The following VWF variants were observed in gnomAD, a reference collection of about 807,000 sequenced individuals.
VWF encodes Factor VIII related antigen.
VWF carries 176 observed loss-of-function variants against 308.6 expected under a neutral mutation model. That is an observed-to-expected ratio of 0.57 (90% CI 0.50 to 0.65). VWF has a LOEUF of 0.65. VWF is among the 30% of genes least tolerant of loss of function. The pLI, the probability that VWF is intolerant of heterozygous loss-of-function variation, is 0.00. For synonymous variants in VWF, 1,385 were observed against 1,443.4 expected (o/e 0.96, Z 0.92); for missense variants, 3,146 against 3,648.2 (o/e 0.86, Z 3.55).
chr12:6,103,499 C>T (rs1306964880), intron 5 of VWF, among the ~76,000 whole-genome samples: 27 of 122,904 alleles, frequency 2.2e-4, no homozygotes, highest in African/African-American at 1.1e-3. Flanking sequence ...TGTGTATACA[C>T]ACACGTATAT....
chr12:6,029,254 A>C, intron 22 of VWF, 88 bp downstream of exon 22: 1 of 1,577,428 alleles, frequency 6.3e-7, no homozygotes, highest in Non-Finnish European at 8.7e-7. Context: ...TGGATTCATA[A>C]AGCAAGTCCT....
intron 46 of VWF, 145 bp from the exon 47 acceptor site, chr12:5,967,747 G>A (rs1377992155): frequency 2.5e-6 from 2 of 792,342 alleles, no homozygotes; most frequent in Non-Finnish European, 2.2e-6. Flanking sequence ...ATGGCCCACT[G>A]CCTTCCCGTC....
Position 5,985,041 on chromosome 12 carries a change from A to G in VWF, c.6976+4T>C, listed in dbSNP as rs1943661720. ...TGGAGACATCCCCCTGGTGGGACAC[A>G]TACCACACTCATACTCGGGGCAGCA... On this transcript the variant is annotated splice_donor_region_variant and intron_variant, in intron 40 of 51. Transcript: ENST00000261405. 3.1e-6 allele frequency: 5 copies of G among 1,614,152 alleles called. No homozygotes were observed. Among genetic ancestry groups the G allele is most frequent in the Non-Finnish European group, 4.2e-6 (5 of 1,179,986 alleles).
chr12:5,976,072 C>G (rs1166862490), intron 43 of VWF, 39 bp downstream of exon 43: 23 of 1,612,692 alleles, frequency 1.4e-5, no homozygotes, highest in Non-Finnish European at 1.8e-5. Flanking sequence ...CTTTCCCGCT[C>G]TGATAGCTGC....
chr12:5,980,973 A>C (rs992876069), intron 42 of VWF, among the ~76,000 whole-genome samples: 3 of 152,136 alleles, frequency 2.0e-5, no homozygotes, highest in Non-Finnish European at 4.4e-5. Context: ...TGGCTCTTTC[A>C]CCTATAAGAC....
chr12:5,961,439 T>G (rs921351776), intron 47 of VWF, among the ~76,000 whole-genome samples: 6 of 152,142 alleles, frequency 3.9e-5, no homozygotes, highest in African/African-American at 1.4e-4. Flanking sequence ...CCATCAGTTC[T>G]ATTCAATATT....
intron 47 of VWF, among the ~76,000 whole-genome samples, chr12:5,964,238 A>ACATACATACATACATG (rs1555189786): frequency 6.5e-5 from 9 of 138,720 alleles, no homozygotes; most frequent in African/African-American, 2.9e-4. Context: ...ATACATACAT[A>ACATACATACATACATG]CATACATACA....
rs1295142745 is a variant in VWF, at chr12:6,123,146, C to G, written c.51G>C (p.Leu17Phe). The G allele has an allele frequency of 6.2e-7, 1 of 1,614,028 alleles. No homozygotes were observed. The highest frequency in any genetic ancestry group is 1.3e-5 in the African/African-American group (1 of 74,914). Residue 17 changes from leucine to phenylalanine, a missense_variant, in exon 2 of 52, where the codon TTG (leucine) becomes TTC (phenylalanine). Coordinates refer to ENST00000261405, the MANE Select transcript of VWF (RefSeq NM_000552.5). ...AGVLLALALI[L>F]PGTLCAEGTR... Reference sequence around the variant, plus strand: ...TGGAGGCCCTTTTGTACCTACCTGGCAAAATGAGGGCCAGAGCAAGCAGCA... The same window carrying G: ...TGGAGGCCCTTTTGTACCTACCTGGGAAAATGAGGGCCAGAGCAAGCAGCA...
At chr12:6,081,332 G>GTT (rs150420125) in intron 6 of VWF, among the ~76,000 whole-genome samples, 1,555 of 150,074 alleles carry the variant, frequency 0.01, 25 homozygotes, top group African/African-American at 0.025. Flanking sequence ...GGCCAGTGGT[G>GTT]TTTTTTGTTT....
chr12:6,004,872 T>C (rs992487730), intron 34 of VWF, among the ~76,000 whole-genome samples: 3 of 152,090 alleles, frequency 2.0e-5, no homozygotes, highest in African/African-American at 7.2e-5. Context: ...GCAAGAAATA[T>C]GCAAAACCCA....
chr12:6,088,389 G>C (rs1944996092), intron 6 of VWF, among the ~76,000 whole-genome samples: 1 of 151,660 alleles, frequency 6.6e-6, no homozygotes. Flanking sequence ...TGAGGCGGGA[G>C]AATGGCGTGA....
intron 5 of VWF, among the ~76,000 whole-genome samples, chr12:6,103,384 A>ACG (rs1479656374): frequency 4.4e-5 from 6 of 135,726 alleles, no homozygotes; most frequent in Non-Finnish European, 9.4e-5. Context: ...GTGTGTATAC[A>ACG]CGTGTGTGTA....
intron 3 of VWF, among the ~76,000 whole-genome samples, chr12:6,118,859 G>C (rs1025893362): frequency 6.6e-6 from 1 of 152,218 alleles, no homozygotes; most frequent in African/African-American, 2.4e-5. Flanking sequence ...CTTCCCAGGG[G>C]CAGGGGTTCA....
At chr12:6,009,824 C>T (rs1277777364) in intron 34 of VWF, among the ~76,000 whole-genome samples, 1 of 152,154 alleles carries the variant, frequency 6.6e-6, no homozygotes, top group African/African-American at 2.4e-5. Flanking sequence ...CTTTCATATG[C>T]CACAACATAG....
chr12:6,106,228 C>T lies in VWF; in HGVS notation c.532+4146G>A, dbSNP rs148614293. ...AATTTTTTTTCTTTTCCTCAAATTC[C>T]TCTGATACAATGGAATATTATTCAT... On this transcript the variant is annotated intron_variant, in intron 5 of 51. Coordinates refer to ENST00000261405, the MANE Select transcript of VWF (RefSeq NM_000552.5). Among the ~76,000 whole-genome samples the T allele has an allele frequency of 6.9e-4, 105 of 152,198 alleles. 2 individuals are homozygous for T. The highest frequency in any genetic ancestry group is 3.4e-3 in the Middle Eastern group (1 of 294).
At chr12:5,949,333 C>A (rs1323315858) in intron 51 of VWF, 130 bp from the exon 52 acceptor site, 2 of 876,934 alleles carry the variant, frequency 2.3e-6, no homozygotes, top group Non-Finnish European at 3.7e-6. Flanking sequence ...CCCAGAAGCA[C>A]CCAGGACAGC....
In VWF at chr12:5,969,290, G is replaced by A. The variant is rs948600047; in HGVS notation, c.7650C>T (p.Pro2550=). The A allele has an allele frequency of 3.1e-6, 5 of 1,614,192 alleles. No homozygotes were observed. Among genetic ancestry groups the A allele is most frequent in the Non-Finnish European group, 4.2e-6 (5 of 1,180,034 alleles). The part of the protein sequence containing the change: ...VFIQQRNVSC[P]QLEVPVCPSG... The stretch of plus-strand genomic sequence containing the variant: ...AGGGGCAGACAGGGACCTCCAGCTG[G>A]GGGCAGGAGACGTTCCTTTGTTGTA... Residue 2550 remains proline, a synonymous_variant, in exon 45 of 52, where the codon CCC becomes CCT. Transcript: ENST00000261405.
rs374690023 is a variant in VWF at position 5,969,369 on chromosome 12, G to A, written c.7571C>T (p.Pro2524Leu). 3.8e-5 allele frequency: 61 copies of A among 1,614,196 alleles called. No homozygotes were observed. Among genetic ancestry groups the A allele is most frequent in the Middle Eastern group, 3.3e-4 (2 of 6,062 alleles). Reference protein sequence around the residue: ...WKSVGSQWASPENPCLINECV... With the variant: ...WKSVGSQWASLENPCLINECV... ...CTCATTGATGAGGCAGGGGTTCTCC[G>A]GGGAGGCCCACTGGGAGCCGACCTG... The change falls in exon 45 of 52, where the codon CCG becomes CTG. Residue 2524 changes from proline (P) to leucine (L), a missense_variant. Coordinates refer to ENST00000261405, the MANE Select transcript of VWF (RefSeq NM_000552.5).
intron 6 of VWF, among the ~76,000 whole-genome samples, chr12:6,080,268 T>C (rs1361562117): frequency 2.0e-5 from 3 of 152,246 alleles, no homozygotes; most frequent in African/African-American, 7.2e-5. Context: ...AAGGATATGC[T>C]GAATCAAACC....
Sources: allele counts gnomAD v4.1 joint callset (sites outside exome capture counted in the v4.1 genomes callset), GRCh38; gene constraint gnomAD v4.1.1; transcripts MANE v1.5; gene names NCBI Gene and HGNC (gene_info 2026-07-23, HGNC 2026-07-21).